The following KATNBL1 variants were observed in gnomAD, a reference collection of about 807,000 sequenced individuals.
KATNBL1 encodes the protein katanin regulatory subunit B1 like 1, also known as KATNB1-like protein 1.
Under a neutral mutation model 44.7 loss-of-function variants are expected in KATNBL1, and 28 were observed. The ratio of observed to expected loss-of-function variants is 0.63; its 90% CI spans 0.46 to 0.86. The LOEUF (loss-of-function observed/expected upper bound fraction) is 0.86. Ranked by LOEUF, KATNBL1 falls within the 40% of genes least tolerant of loss-of-function variation. KATNBL1 has a pLI of 0.00. For missense variants in KATNBL1, 272 were observed against 350.7 expected, an observed-to-expected ratio of 0.78 and a Z score of 1.79; for synonymous variants, 78 against 114.9, an observed-to-expected ratio of 0.68 and a Z score of 2.06.
intron 2 of KATNBL1, among the ~76,000 whole-genome samples, chr15:34,162,389 C>T (rs779809716): frequency 1.3e-5 from 2 of 152,130 alleles, no homozygotes; most frequent in Admixed American, 6.6e-5. Context: ...GTGCCTTTTG[C>T]CTTCCGACAT....
At chr15:34,161,005 T>A (rs1888785551) in intron 2 of KATNBL1, among the ~76,000 whole-genome samples, 1 of 152,186 alleles carries the variant, frequency 6.6e-6, no homozygotes, top group African/African-American at 2.4e-5. Flanking sequence ...GAATGTCAGA[T>A]CCCTCTTGGG....
chr15:34,157,175 A>G lies in KATNBL1; in HGVS notation c.118-2491T>C, dbSNP rs200486330. 2.6e-5 allele frequency among the ~76,000 whole-genome samples: 4 copies of G among 152,380 alleles called. No homozygotes were observed. The East Asian group carries it at 7.7e-4, about 29-fold the overall frequency. ...TTTGGGGTGAACTCGACCTAGTTACATTAATAACAAGAGGACTAGCAATAG... is the reference window on the plus strand; with the variant it reads ...TTTGGGGTGAACTCGACCTAGTTACGTTAATAACAAGAGGACTAGCAATAG... On this transcript the variant is annotated intron_variant, in intron 2 of 9. Coordinates refer to ENST00000256544, the MANE Select transcript of KATNBL1 (RefSeq NM_024713.3).
intron 1 of KATNBL1, among the ~76,000 whole-genome samples, chr15:34,187,685 C>G (rs1256520270): frequency 6.6e-6 from 1 of 152,148 alleles, no homozygotes; most frequent in Admixed American, 6.5e-5. Context: ...CATCATTGTC[C>G]ACATAGCCTC....
chr15:34,173,112 G>GA lies in KATNBL1; in HGVS notation c.-14-9423dup, dbSNP rs913357563. On this transcript the variant is annotated intron_variant, in intron 1 of 9. Transcript: ENST00000256544. Reference sequence around the variant, plus strand: ...GAAGCTATCTCCCAGAACATAGGAAGAAAAAAAAAACCAGAAGACTGGTTT... The same window carrying GA: ...GAAGCTATCTCCCAGAACATAGGAAGAAAAAAAAAAACCAGAAGACTGGTTT... Among the ~76,000 whole-genome samples, 301 of 144,084 alleles carry GA rather than the reference G, an allele frequency of 2.1e-3. 1 individual carries two copies. Among genetic ancestry groups the GA allele is most frequent in the South Asian group, 3.5e-3 (16 of 4,590 alleles). 94.5% of individuals were successfully genotyped at this position (144,084 alleles called of 152,430 possible).
At chr15:34,155,452 G>A (rs1041655633) in intron 2 of KATNBL1, among the ~76,000 whole-genome samples, 14 of 152,146 alleles carry the variant, frequency 9.2e-5, no homozygotes, top group Non-Finnish European at 1.9e-4. Context: ...TGCTACAATT[G>A]CAAGAGAAGT....
At position 34,151,075 on chromosome 15, in the gene KATNBL1, A is replaced by G. The variant is rs1039065863; in HGVS notation, c.438+1715T>C. On this transcript the variant is annotated intron_variant, in intron 4 of 9. Transcript: ENST00000256544. ...GAACAGTGCTGTGATGAACATACGC[A>G]TACATGTGTCTTTATGGTAGCATGT... Among the ~76,000 whole-genome samples, 4 of 152,208 alleles carry G rather than the reference A, an allele frequency of 2.6e-5. No homozygotes were observed. In the East Asian group the frequency reaches 7.7e-4, roughly 29 times the overall value.
At chr15:34,192,942 G>A (rs1346763998) in intron 1 of KATNBL1, among the ~76,000 whole-genome samples, 3 of 152,156 alleles carry the variant, frequency 2.0e-5, no homozygotes, top group African/African-American at 7.2e-5. Context: ...GGCTTGCCGG[G>A]CGCGGTGGCT....
chr15:34,203,418 C>T (rs1890218104), intron 1 of KATNBL1, among the ~76,000 whole-genome samples: 1 of 152,186 alleles, frequency 6.6e-6, no homozygotes, highest in African/African-American at 2.4e-5. Context: ...TTCTGTCCTT[C>T]AACATTTCAA....
intron 1 of KATNBL1, among the ~76,000 whole-genome samples, chr15:34,186,508 G>A (rs1326841824): frequency 2.0e-5 from 3 of 152,126 alleles, no homozygotes; most frequent in South Asian, 2.1e-4. Flanking sequence ...TGCAGACCTG[G>A]GCCTCCTTCT....
chr15:34,161,095 C>A (rs532102555), intron 2 of KATNBL1, among the ~76,000 whole-genome samples: 83 of 152,300 alleles, frequency 5.4e-4, no homozygotes, highest in African/African-American at 1.9e-3. Flanking sequence ...ACTACGAAAC[C>A]ACAAATCCGG....
chr15:34,143,860 G>A (rs143551625), intron 9 of KATNBL1, among the ~76,000 whole-genome samples: 55 of 149,734 alleles, frequency 3.7e-4, no homozygotes, highest in African/African-American at 1.2e-3. Flanking sequence ...CCAGCTAATC[G>A]GGAGGCTGAG....
At position 34,188,137 on chromosome 15, in the gene KATNBL1, T is replaced by C. The variant is rs562445307; in HGVS notation, c.-15+21814A>G. On this transcript the variant is annotated intron_variant, in intron 1 of 9. Transcript: ENST00000256544. ...CTGGGTGACAGAGGAAGACGCCATG[T>C]AAAAAAAAAAAAAAAAAAAAAAAAA... 8.9e-3 allele frequency among the ~76,000 whole-genome samples: 197 copies of C among 22,088 alleles called. 2 individuals carry two copies. Among genetic ancestry groups the C allele is most frequent in the Non-Finnish European group, 0.011 (127 of 12,086 alleles). The allele number at this position is 22,088 out of a possible 152,430, so 14.5% of individuals were successfully genotyped here. A position where few individuals can be genotyped will look rare whatever the true frequency, so the allele number is the denominator to read the frequency against.
chr15:34,143,626 G>A (rs939367415), intron 9 of KATNBL1, among the ~76,000 whole-genome samples: 3 of 150,606 alleles, frequency 2.0e-5, no homozygotes, highest in Non-Finnish European at 4.4e-5. Context: ...CTTTCTAGGA[G>A]ATTGATATGT....
rs182570422 is a variant in KATNBL1 at position 34,179,551 on chromosome 15, C to T, written c.-14-15861G>A. On this transcript the variant is annotated intron_variant, in intron 1 of 9. Coordinates refer to ENST00000256544, the MANE Select transcript of KATNBL1 (RefSeq NM_024713.3). ...AGTCTCATAGGTTGCCCAGGCTGGCCTCAAACTCCCGGACTCAAGAGATTC... is the reference window on the plus strand; with the variant it reads ...AGTCTCATAGGTTGCCCAGGCTGGCTTCAAACTCCCGGACTCAAGAGATTC... 5.3e-5 allele frequency among the ~76,000 whole-genome samples: 8 copies of T among 152,116 alleles called. No individual in the cohort carries two copies. The East Asian group carries it at 1.5e-3, about 29-fold the overall frequency.
chr15:34,170,236 C>G (rs1217658883), intron 1 of KATNBL1, among the ~76,000 whole-genome samples: 1 of 152,204 alleles, frequency 6.6e-6, no homozygotes, highest in South Asian at 2.1e-4. Flanking sequence ...GCAACTTCAG[C>G]AAAGTCTCAG....
intron 1 of KATNBL1, among the ~76,000 whole-genome samples, chr15:34,190,733 GA>G (rs2140984559): frequency 6.6e-6 from 1 of 152,244 alleles, no homozygotes; most frequent in South Asian, 2.1e-4. Flanking sequence ...TATGAATCCT[GA>G]TATGATACAA....
chr15:34,208,520 T>C (rs1468519406), intron 1 of KATNBL1: 1 of 152,242 alleles, frequency 6.6e-6, no homozygotes, highest in African/African-American at 2.4e-5. Context: ...CAATAAGTTT[T>C]AGGGATGAAA....
intron 1 of KATNBL1, among the ~76,000 whole-genome samples, chr15:34,193,871 A>AAAAAAAC (rs1889959273): frequency 6.8e-6 from 1 of 146,462 alleles, no homozygotes; most frequent in South Asian, 2.1e-4. Context: ...AAAAAAAAAA[A>AAAAAAAC]AAAAAAAAAT....
intron 1 of KATNBL1, among the ~76,000 whole-genome samples, chr15:34,184,576 C>CTTTTTTTTT (rs71119942): frequency 0.47 from 44,884 of 95,102 alleles, 13,964 homozygotes; most frequent in East Asian, 0.59. Context: ...CCTAATGTTT[C>CTTTTTTTTT]TTTTTTTTTT....
Sources: gnomAD v4.1 joint callset for allele counts (sites outside exome capture counted in the v4.1 genomes callset) on GRCh38, gnomAD v4.1.1 for gene constraint, MANE v1.5 for transcripts, NCBI Gene and HGNC (gene_info 2026-07-23, HGNC 2026-07-21) for gene names.